The following PRLR variants were observed in gnomAD, a reference collection of about 807,000 sequenced individuals.
PRLR encodes the protein prolactin receptor.
A neutral mutation model predicts 40.2 loss-of-function variants in PRLR; 13 were observed. The ratio of observed to expected loss-of-function variants is 0.32; its 90% confidence interval spans 0.21 to 0.51. PRLR has a LOEUF of 0.51. Ranked by LOEUF, PRLR falls within the 20% of genes least tolerant of loss-of-function variation. PRLR has a pLI of 0.97. For synonymous variants in PRLR, 269 were observed against 278.7 expected (o/e 0.97, Z 0.35); for missense variants, 656 against 747.3 (o/e 0.88, Z 1.42).
At chr5:35,091,804 A>C (rs1390218394) in intron 2 of PRLR, among the ~76,000 whole-genome samples, 1 of 152,210 alleles carries the variant, frequency 6.6e-6, no homozygotes, top group Non-Finnish European at 1.5e-5. Context: ...TATAGCCCCA[A>C]ATAGTTCTTT....
chr5:35,133,616 G>A (rs1194126959), intron 1 of PRLR, among the ~76,000 whole-genome samples: 2 of 152,182 alleles, frequency 1.3e-5, no homozygotes, highest in South Asian at 2.1e-4. Context: ...TAGCTTGAAT[G>A]TTCTTCCTTC....
intron 2 of PRLR, among the ~76,000 whole-genome samples, chr5:35,094,776 C>T (rs1367201369): frequency 5.3e-5 from 8 of 150,420 alleles, no homozygotes; most frequent in African/African-American, 2.0e-4. Flanking sequence ...GCTAACATAA[C>T]AGGGAGAAAA....
chr5:35,089,478 G>T, intron 3 of PRLR, 73 bp downstream of exon 3: 1 of 990,072 alleles, frequency 1.0e-6, no homozygotes, highest in Non-Finnish European at 1.6e-6. Flanking sequence ...ATTGCAAGAA[G>T]ACTGCATGGA....
Position 35,154,758 on chromosome 5 carries a change from G to T in PRLR, c.-105-36636C>A, listed in dbSNP as rs866862194. Among the ~76,000 whole-genome samples, 4 of 152,206 alleles carry T rather than the reference G, an allele frequency of 2.6e-5. No homozygotes were observed. The South Asian group carries it at 8.3e-4, about 32-fold the overall frequency. On this transcript the variant is annotated intron_variant, in intron 1 of 9. Coordinates refer to ENST00000618457, the MANE Select transcript of PRLR (RefSeq NM_000949.7). ...TCAAGCCAAATGCCCATTAATAATAGACTGGATAAAGAAAATGTGGTACGT... is the reference window on the plus strand; with the variant it reads ...TCAAGCCAAATGCCCATTAATAATATACTGGATAAAGAAAATGTGGTACGT...
In PRLR at chr5:35,120,684, C is replaced by A. The variant is rs529814928; in HGVS notation, c.-105-2562G>T. Among the ~76,000 whole-genome samples, 6 of 152,268 alleles carry A rather than the reference C, an allele frequency of 3.9e-5. No homozygotes were observed. In the South Asian group the frequency reaches 1.2e-3, roughly 32 times the overall value. The stretch of plus-strand genomic sequence containing the variant: ...TCTGGTCACATTATTTGAAGTATGG[C>A]ATCCAGAACAGGGGAGGTGATAGTA... On this transcript the variant is annotated intron_variant, in intron 1 of 9. Transcript: ENST00000618457.
At chr5:35,148,438 G>C (rs1363717206) in intron 1 of PRLR, among the ~76,000 whole-genome samples, 1 of 152,144 alleles carries the variant, frequency 6.6e-6, no homozygotes, top group Non-Finnish European at 1.5e-5. Flanking sequence ...GATAGCTACT[G>C]TTTTCTGAAA....
At chr5:35,110,490 C>A (rs1008586789) in intron 2 of PRLR, among the ~76,000 whole-genome samples, 1 of 152,156 alleles carries the variant, frequency 6.6e-6, no homozygotes. Flanking sequence ...AGTTCCTCCC[C>A]TATCAGTTGT....
chr5:35,096,423 G>A (rs953596250), intron 2 of PRLR, among the ~76,000 whole-genome samples: 2 of 152,134 alleles, frequency 1.3e-5, no homozygotes, highest in African/African-American at 2.4e-5. Flanking sequence ...AGGACAGATG[G>A]TGGAAAACCC....
In PRLR at chr5:35,090,789, CTCTTTTTTTTTTTT is replaced by C. The variant is rs1290674908; in HGVS notation, c.-43-1140_-43-1127del. The stretch of plus-strand genomic sequence containing the variant: ...TGGGCACCCAGGTACCATCAATTAG[CTCTTTTTTTTTTTT>C]TTTTTTTTTTTTTTTTTTTTTTTTT... On this transcript the variant is annotated intron_variant, in intron 2 of 9. Coordinates refer to ENST00000618457, the MANE Select transcript of PRLR (RefSeq NM_000949.7). Among the ~76,000 whole-genome samples, 104 of 105,092 alleles carry C rather than the reference CTCTTTTTTTTTTTT, an allele frequency of 9.9e-4. 2 individuals carry two copies. The highest frequency in any genetic ancestry group is 3.3e-3 in the African/African-American group (100 of 30,274). 68.9% of individuals were successfully genotyped at this position (105,092 alleles called of 152,430 possible). A position where few individuals can be genotyped will look rare whatever the true frequency, so the allele number is the denominator to read the frequency against.
chr5:35,100,081 G>C (rs563701472), intron 2 of PRLR, among the ~76,000 whole-genome samples: 5 of 151,810 alleles, frequency 3.3e-5, no homozygotes, highest in Middle Eastern at 3.4e-3. Flanking sequence ...GGGAGGCTGG[G>C]GCAGGAGAAT....
chr5:35,119,318 G>T (rs1014754648), intron 1 of PRLR, among the ~76,000 whole-genome samples: 2 of 152,080 alleles, frequency 1.3e-5, no homozygotes, highest in East Asian at 3.9e-4. Context: ...AGAGGAGGAG[G>T]TGACTGGCAG....
intron 1 of PRLR, among the ~76,000 whole-genome samples, chr5:35,169,889 C>G (rs980595956): frequency 6.6e-6 from 1 of 152,152 alleles, no homozygotes; most frequent in Admixed American, 6.6e-5. Context: ...ATGCAGATAA[C>G]CTGAGGTGGC....
intron 1 of PRLR, among the ~76,000 whole-genome samples, chr5:35,194,871 G>A (rs952580572): frequency 3.9e-5 from 6 of 152,094 alleles, no homozygotes; most frequent in African/African-American, 1.4e-4. Context: ...AGAACCATAC[G>A]ACCCAAAAAG....
At chr5:35,183,020 C>G (rs565172823) in intron 1 of PRLR, among the ~76,000 whole-genome samples, 5 of 152,160 alleles carry the variant, frequency 3.3e-5, no homozygotes, top group Non-Finnish European at 5.9e-5. Context: ...TTAGCAACAA[C>G]CTGAGACGTT....
chr5:35,087,151 C>T (rs1431168973), intron 3 of PRLR, among the ~76,000 whole-genome samples: 5 of 152,072 alleles, frequency 3.3e-5, no homozygotes, highest in African/African-American at 7.2e-5. Flanking sequence ...CCACCACACC[C>T]GGCTAAGTTT....
chr5:35,122,708 G>C (rs1773331923), intron 1 of PRLR, among the ~76,000 whole-genome samples: 1 of 152,208 alleles, frequency 6.6e-6, no homozygotes, highest in South Asian at 2.1e-4. Context: ...TTATAGACAT[G>C]CATGTGGAGC....
intron 2 of PRLR, among the ~76,000 whole-genome samples, chr5:35,099,170 G>A (rs902837669): frequency 9.9e-5 from 15 of 152,078 alleles, no homozygotes; most frequent in East Asian, 5.8e-4. Context: ...TTCCCCTGTC[G>A]TTAGATGAGG....
At chr5:35,186,686 AG>A (rs56750842) in intron 1 of PRLR, among the ~76,000 whole-genome samples, 74 of 152,258 alleles carry the variant, frequency 4.9e-4, no homozygotes, top group African/African-American at 1.8e-3. Context: ...CTCATTGTGG[AG>A]CAGAGGCAGC....
intron 2 of PRLR, among the ~76,000 whole-genome samples, chr5:35,112,495 AG>A (rs2111657664): frequency 1.3e-5 from 2 of 152,238 alleles, no homozygotes; most frequent in African/African-American, 4.8e-5. Context: ...AAACCGGGAA[AG>A]AGGGTAGAGA....
Sources: allele counts gnomAD v4.1 joint callset (sites outside exome capture counted in the v4.1 genomes callset), GRCh38; gene constraint gnomAD v4.1.1; transcripts MANE v1.5; gene names NCBI Gene and HGNC (gene_info 2026-07-23, HGNC 2026-07-21).